TAFA2: variants seen among roughly 807,000 people sequenced by gnomAD.
The protein encoded by TAFA2 is chemokine-like protein TAFA-2.
Under a neutral mutation model 18.8 loss-of-function variants are expected in TAFA2, and 7 were observed. That is an observed-to-expected ratio of 0.37 (90% CI 0.21 to 0.70). The LOEUF (loss-of-function observed/expected upper bound fraction) is 0.70. TAFA2 is among the 30% of genes least tolerant of loss of function. TAFA2 has a pLI of 0.53. For missense variants in TAFA2, 122 were observed against 158.1 expected (o/e 0.77, Z 1.23); for synonymous variants, 60 against 54.2 (o/e 1.11, Z -0.47).
chr12:61,863,992 ACT>A (rs1395819395), intron 2 of TAFA2, among the ~76,000 whole-genome samples: 1 of 151,854 alleles, frequency 6.6e-6, no homozygotes, highest in African/African-American at 2.4e-5. Flanking sequence ...TCCAGCTGAG[ACT>A]CTATTTGTGC....
intron 2 of TAFA2, among the ~76,000 whole-genome samples, chr12:61,792,224 A>G (rs1346397071): frequency 6.6e-6 from 1 of 151,606 alleles, no homozygotes; most frequent in Non-Finnish European, 1.5e-5. Flanking sequence ...GGATAGGGAA[A>G]AGGATGGGAT....
chr12:61,984,284 G>A, intron 1 of TAFA2, among the ~76,000 whole-genome samples: 1 of 152,238 alleles, frequency 6.6e-6, no homozygotes, highest in East Asian at 1.9e-4. Flanking sequence ...CCAATAACAA[G>A]AGAGCCCAGT....
rs188289127 is a variant in TAFA2 at position 61,832,221 on chromosome 12, C to T, written c.106+35099G>A. 1.1e-3 allele frequency among the ~76,000 whole-genome samples: 169 copies of T among 152,112 alleles called. 2 individuals carry two copies. The highest frequency in any genetic ancestry group is 3.9e-3 in the African/African-American group (163 of 41,526). Reference sequence around the variant, plus strand: ...CGCAGAATAGCACTGTATGGATTTCCTAGACTAAATCAGGAACGGCCATGC... The same window carrying T: ...CGCAGAATAGCACTGTATGGATTTCTTAGACTAAATCAGGAACGGCCATGC... On this transcript the variant is annotated intron_variant, in intron 2 of 4. Coordinates refer to ENST00000416284, the MANE Select transcript of TAFA2 (RefSeq NM_178539.5).
At chr12:61,736,717 A>G (rs1868310365) in intron 4 of TAFA2, among the ~76,000 whole-genome samples, 1 of 151,962 alleles carries the variant, frequency 6.6e-6, no homozygotes, top group Non-Finnish European at 1.5e-5. Flanking sequence ...AAATTATATC[A>G]TCACCCACAT....
In TAFA2 at chr12:61,902,733, T is replaced by C. The variant is rs182618470; in HGVS notation, c.-1-35307A>G. On this transcript the variant is annotated intron_variant, in intron 1 of 4. Transcript: ENST00000416284. The stretch of plus-strand genomic sequence containing the variant: ...ATTTTTCTCCAGCCTTGATATCCTA[T>C]CTGTGCCAAACCTGCACATTCAATT... 6.9e-4 allele frequency among the ~76,000 whole-genome samples: 105 copies of C among 152,294 alleles called. 1 individual carries two copies. Among genetic ancestry groups the C allele is most frequent in the African/African-American group, 2.5e-3 (103 of 41,570 alleles).
intron 1 of TAFA2, among the ~76,000 whole-genome samples, chr12:62,042,401 C>CTGTG (rs147189045): frequency 0.011 from 1,577 of 144,064 alleles, 21 homozygotes; most frequent in African/African-American, 0.028. Context: ...GCATTGAAGT[C>CTGTG]TGTGTGTGTG....
intron 4 of TAFA2, among the ~76,000 whole-genome samples, chr12:61,737,076 T>C (rs1166597888): frequency 6.6e-6 from 1 of 151,922 alleles, no homozygotes; most frequent in African/African-American, 2.4e-5. Flanking sequence ...GAGAATCACA[T>C]TAAAGTGATG....
rs372987695 is a variant in TAFA2 at position 62,010,178 on chromosome 12, T to G, written c.-1-142752A>C. On this transcript the variant is annotated intron_variant, in intron 1 of 4. Transcript: ENST00000416284. ...CTCCCCCTCCCCCTCCCCCTCCCTC[T>G]CCCCCATTTCTTTATTTGGTCTCCC... 1.6e-4 allele frequency among the ~76,000 whole-genome samples: 8 copies of G among 48,872 alleles called. No individual in the cohort carries two copies. The East Asian group carries it at 2.7e-3, about 17-fold the overall frequency. The allele number at this position is 48,872 out of a possible 152,430, so 32.1% of individuals were successfully genotyped here.
At chr12:62,242,382 G>A (rs750421946) in intron 1 of TAFA2, 6 of 152,180 alleles carry the variant, frequency 3.9e-5, no homozygotes, top group Non-Finnish European at 7.4e-5. Context: ...TTTAACACTT[G>A]GCTCAGCAGT....
chr12:61,977,824 G>C (rs558237398), intron 1 of TAFA2, among the ~76,000 whole-genome samples: 1 of 151,964 alleles, frequency 6.6e-6, no homozygotes, highest in Admixed American at 6.6e-5. Flanking sequence ...TTTCAGCCAG[G>C]CTCTCACAAT....
intron 1 of TAFA2, among the ~76,000 whole-genome samples, chr12:62,246,505 T>C (rs1321851589): frequency 1.3e-5 from 2 of 152,234 alleles, no homozygotes; most frequent in African/African-American, 4.8e-5. Flanking sequence ...ATCAATATAT[T>C]ATCATTAGAT....
At chr12:62,009,682 T>C (rs1423326908) in intron 1 of TAFA2, among the ~76,000 whole-genome samples, 1 of 152,222 alleles carries the variant, frequency 6.6e-6, no homozygotes, top group Non-Finnish European at 1.5e-5. Flanking sequence ...TCCATCCATT[T>C]ATTACTCACA....
At chr12:62,258,121 A>T (rs141384300) in intron 1 of TAFA2, 63 of 152,298 alleles carry the variant, frequency 4.1e-4, no homozygotes, top group African/African-American at 1.3e-3. Context: ...TAATAATAGT[A>T]CCAAAATCAT....
At chr12:62,044,558 G>C (rs1180317077) in intron 1 of TAFA2, among the ~76,000 whole-genome samples, 1 of 152,060 alleles carries the variant, frequency 6.6e-6, no homozygotes, top group Non-Finnish European at 1.5e-5. Context: ...AGAGAACCAG[G>C]ACTAATAAAC....
intron 1 of TAFA2, among the ~76,000 whole-genome samples, chr12:62,019,982 C>G (rs957841881): frequency 6.6e-6 from 1 of 151,966 alleles, no homozygotes; most frequent in African/African-American, 2.4e-5. Flanking sequence ...TTCAGACTAC[C>G]TCACTATAAA....
intron 1 of TAFA2, among the ~76,000 whole-genome samples, chr12:62,225,531 A>T (rs1315460464): frequency 2.0e-5 from 3 of 152,192 alleles, no homozygotes; most frequent in African/African-American, 7.2e-5. Flanking sequence ...TAATTTTTTA[A>T]ATACATGAAA....
chr12:62,113,236 G>A (rs1030015665), intron 1 of TAFA2, among the ~76,000 whole-genome samples: 2 of 152,134 alleles, frequency 1.3e-5, no homozygotes, highest in African/African-American at 2.4e-5. Context: ...CTAACAGTCA[G>A]GACCCTCTGC....
chr12:62,024,131 C>T (rs1881237286), intron 1 of TAFA2, among the ~76,000 whole-genome samples: 1 of 152,116 alleles, frequency 6.6e-6, no homozygotes, highest in Admixed American at 6.6e-5. Context: ...ATTTCTTTCC[C>T]CTCTCATCCC....
intron 1 of TAFA2, among the ~76,000 whole-genome samples, chr12:62,029,838 T>TCC (rs1376445818): frequency 6.6e-6 from 1 of 151,500 alleles, no homozygotes; most frequent in Non-Finnish European, 1.5e-5. Context: ...TCTCTCTCTC[T>TCC]CTCTGTCATG....
Sources: gnomAD v4.1 joint callset for allele counts (sites outside exome capture counted in the v4.1 genomes callset) on GRCh38, gnomAD v4.1.1 for gene constraint, MANE v1.5 for transcripts, NCBI Gene and HGNC (gene_info 2026-07-23, HGNC 2026-07-21) for gene names.